The following DSCAM variants were observed in gnomAD, a reference collection of about 807,000 sequenced individuals.
DSCAM encodes the protein DS cell adhesion molecule.
Under a neutral mutation model 217.7 loss-of-function variants are expected in DSCAM, and 47 were observed. The observed-to-expected ratio is 0.22, with a 90% CI of 0.17 to 0.28. The LOEUF (loss-of-function observed/expected upper bound fraction) is 0.28. Ranked by LOEUF, DSCAM falls within the 10% of genes least tolerant of loss-of-function variation. DSCAM has a pLI of 1.00. For synonymous variants in DSCAM, 1,056 were observed against 1,015.3 expected (o/e 1.04, Z -0.76); for missense variants, 2,080 against 2,618.3 (o/e 0.79, Z 4.49).
chr21:40,061,584 AAG>A lies in DSCAM; in HGVS notation c.4919+1283_4919+1284del, dbSNP rs1491288894. Among the ~76,000 whole-genome samples the A allele has an allele frequency of 5.3e-3, 618 of 116,514 alleles. 9 individuals carry two copies. The highest frequency in any genetic ancestry group is 0.017 in the African/African-American group (588 of 34,670). The allele number at this position is 116,514 out of a possible 152,430, so 76.4% of individuals were successfully genotyped here. A position where few individuals can be genotyped will look rare whatever the true frequency, so the allele number is the denominator to read the frequency against. ...AACTCTGTCCCAAAAAAAAAAAAAAAAGAAAAAGGAAAAGACTTATCCTTCAT... is the reference window on the plus strand; with the variant it reads ...AACTCTGTCCCAAAAAAAAAAAAAAAAAAAAGGAAAAGACTTATCCTTCAT... On this transcript the variant is annotated intron_variant, in intron 28 of 32. Coordinates refer to ENST00000400454, the MANE Select transcript of DSCAM (RefSeq NM_001389.5).
intron 11 of DSCAM, among the ~76,000 whole-genome samples, chr21:40,237,047 G>A (rs2073089625): frequency 6.6e-6 from 1 of 152,184 alleles, no homozygotes; most frequent in Non-Finnish European, 1.5e-5. Flanking sequence ...CAGGTTTGCT[G>A]AACAAACACT....
At chr21:40,154,073 A>G (rs1377614733) in intron 16 of DSCAM, among the ~76,000 whole-genome samples, 2 of 152,134 alleles carry the variant, frequency 1.3e-5, no homozygotes, top group African/African-American at 4.8e-5. Flanking sequence ...ATCTTGGTCC[A>G]TGGACAATGG....
chr21:40,172,095 A>G (rs1049331597), intron 15 of DSCAM, among the ~76,000 whole-genome samples: 3 of 152,190 alleles, frequency 2.0e-5, no homozygotes, highest in Middle Eastern at 3.2e-3. Flanking sequence ...ATGGTGAAAC[A>G]TGGTCTCTAC....
rs1226618146 is a variant in DSCAM, at chr21:40,637,525, A to G, written c.508+55285T>C. ...TATATATAAATATATAAATATATAT[A>G]AATATATACATATATACATATATAT... On this transcript the variant is annotated intron_variant, in intron 3 of 32. Coordinates refer to ENST00000400454, the MANE Select transcript of DSCAM (RefSeq NM_001389.5). Among the ~76,000 whole-genome samples the G allele has an allele frequency of 4.1e-5, 4 of 96,602 alleles. 1 individual carries two copies. In the East Asian group the frequency reaches 1.0e-3, roughly 25 times the overall value. The allele number at this position is 96,602 out of a possible 152,430, so 63.4% of individuals were successfully genotyped here.
At chr21:40,287,257 T>C (rs941433858) in intron 10 of DSCAM, among the ~76,000 whole-genome samples, 8 of 152,250 alleles carry the variant, frequency 5.3e-5, no homozygotes, top group African/African-American at 1.9e-4. Context: ...GTGTGAGCCC[T>C]CTCTTGACTG....
rs967140144 is a variant in DSCAM, at chr21:40,550,660, G to A, written c.508+142150C>T. On this transcript the variant is annotated intron_variant, in intron 3 of 32. Transcript: ENST00000400454. ...TTACGTCTTTGTGGATATTTCTCTAGAGTAGTAGTAGCTATTAAAAGAAAA... is the reference window on the plus strand; with the variant it reads ...TTACGTCTTTGTGGATATTTCTCTAAAGTAGTAGTAGCTATTAAAAGAAAA... 2.6e-5 allele frequency among the ~76,000 whole-genome samples: 4 copies of A among 152,166 alleles called. No individual in the cohort carries two copies. The East Asian group carries it at 7.7e-4, about 29-fold the overall frequency.
Position 40,303,878 on chromosome 21 carries a change from T to C in DSCAM, c.2063-7704A>G, listed in dbSNP as rs955059539. ...CAGAAACCATTGACCCATCAGAAGATATAAAAAAGTGTGAGAAAACGGCCC... is the reference window on the plus strand; with the variant it reads ...CAGAAACCATTGACCCATCAGAAGACATAAAAAAGTGTGAGAAAACGGCCC... On this transcript the variant is annotated intron_variant, in intron 9 of 32. Coordinates refer to ENST00000400454, the MANE Select transcript of DSCAM (RefSeq NM_001389.5). Among the ~76,000 whole-genome samples, 9 of 152,168 alleles carry C rather than the reference T, an allele frequency of 5.9e-5. No homozygotes were observed. The South Asian group carries it at 8.3e-4, about 14-fold the overall frequency.
intron 11 of DSCAM, among the ~76,000 whole-genome samples, chr21:40,220,307 G>A (rs1331584899): frequency 6.6e-6 from 1 of 152,140 alleles, no homozygotes; most frequent in Admixed American, 6.6e-5. Flanking sequence ...GCCAAGTCAA[G>A]CATTAGAAGA....
intron 10 of DSCAM, among the ~76,000 whole-genome samples, chr21:40,290,546 G>A (rs560581668): frequency 6.5e-4 from 99 of 152,254 alleles, no homozygotes; most frequent in Non-Finnish European, 1.1e-3. Flanking sequence ...TCTTGAACCC[G>A]GGAGGTGGAG....
intron 19 of DSCAM, among the ~76,000 whole-genome samples, chr21:40,126,756 C>T (rs1336430516): frequency 6.6e-6 from 1 of 152,190 alleles, no homozygotes; most frequent in African/African-American, 2.4e-5. Context: ...GGGACTTTTA[C>T]TGCACCATCT....
chr21:40,079,661 C>T (rs2089423564), intron 25 of DSCAM, among the ~76,000 whole-genome samples: 1 of 152,108 alleles, frequency 6.6e-6, no homozygotes, highest in African/African-American at 2.4e-5. Flanking sequence ...GGGACAAAAC[C>T]TCTTTCTCTG....
At position 40,170,417 on chromosome 21, in the gene DSCAM, C is replaced by T. The variant is rs867855806; in HGVS notation, c.2948-3129G>A. 3.3e-5 allele frequency among the ~76,000 whole-genome samples: 5 copies of T among 152,350 alleles called. 1 individual carries two copies. Among genetic ancestry groups the T allele is most frequent in the Non-Finnish European group, 7.3e-5 (5 of 68,032 alleles). ...TGAAATGCTGAGCATGCATCCCTCTCCTCAGCAGGTCCAGGGACAGCTGGC... is the reference window on the plus strand; with the variant it reads ...TGAAATGCTGAGCATGCATCCCTCTTCTCAGCAGGTCCAGGGACAGCTGGC... On this transcript the variant is annotated intron_variant, in intron 15 of 32. Coordinates refer to ENST00000400454, the MANE Select transcript of DSCAM (RefSeq NM_001389.5).
intron 3 of DSCAM, among the ~76,000 whole-genome samples, chr21:40,691,458 ATTCCGAGCT>A (rs2090537042): frequency 6.6e-6 from 1 of 152,178 alleles, no homozygotes; most frequent in Non-Finnish European, 1.5e-5. Context: ...CTCCCCTTTG[ATTCCGAGCT>A]TAGCCAGATG....
At chr21:40,069,129 A>C (rs748539724) in intron 27 of DSCAM, among the ~76,000 whole-genome samples, 1 of 152,042 alleles carries the variant, frequency 6.6e-6, no homozygotes, top group Non-Finnish European at 1.5e-5. Flanking sequence ...AAATTGGGGC[A>C]TCATAATGGG....
chr21:40,737,301 A>T (rs534412370), intron 1 of DSCAM, among the ~76,000 whole-genome samples: 2 of 152,316 alleles, frequency 1.3e-5, no homozygotes, highest in South Asian at 4.1e-4. Flanking sequence ...TTATAAGGAA[A>T]TACATCAACA....
chr21:40,053,022 G>A (rs537245469), intron 29 of DSCAM, among the ~76,000 whole-genome samples: 2 of 152,338 alleles, frequency 1.3e-5, no homozygotes, highest in South Asian at 4.1e-4. Context: ...AGCCCAGGAT[G>A]CTGTTGCTAA....
At chr21:40,348,562 A>C (rs954488211) in intron 5 of DSCAM, among the ~76,000 whole-genome samples, 3 of 150,822 alleles carry the variant, frequency 2.0e-5, no homozygotes, top group African/African-American at 7.3e-5. Context: ...TCATACTCCT[A>C]ACAGTTCTTA....
At chr21:40,239,453 A>C (rs553380505) in intron 11 of DSCAM, among the ~76,000 whole-genome samples, 2 of 152,278 alleles carry the variant, frequency 1.3e-5, no homozygotes, top group African/African-American at 4.8e-5. Flanking sequence ...AGAAGAAATC[A>C]AAAAAAGCAA....
At chr21:40,531,048 C>T (rs781335586) in intron 3 of DSCAM, among the ~76,000 whole-genome samples, 1 of 152,140 alleles carries the variant, frequency 6.6e-6, no homozygotes, top group African/African-American at 2.4e-5. Context: ...CAGCCTCGTT[C>T]CCACGACTAT....
Sources: allele counts gnomAD v4.1 joint callset (sites outside exome capture counted in the v4.1 genomes callset), GRCh38; gene constraint gnomAD v4.1.1; transcripts MANE v1.5; gene names NCBI Gene and HGNC (gene_info 2026-07-23, HGNC 2026-07-21).